MASP1: variants seen among roughly 807,000 people sequenced by gnomAD.
MASP1 encodes the protein MBL associated serine protease 1.
MASP1 carries 59 observed loss-of-function variants against 77.1 expected under a neutral mutation model. The observed-to-expected ratio is 0.77, with a 90% CI of 0.62 to 0.95. MASP1 has a LOEUF of 0.95. Among genes scored for constraint, MASP1 ranks in the 40% least tolerant of loss-of-function variants. MASP1 has a pLI of 0.00. For missense variants in MASP1, 885 were observed against 912.9 expected (o/e 0.97, Z 0.39); for synonymous variants, 362 against 354.5 (o/e 1.02, Z -0.24).
chr3:187,243,960 T>TG (rs1482240843), intron 8 of MASP1: 4 of 352,958 alleles, frequency 1.1e-5, no homozygotes, highest in Non-Finnish European at 2.2e-5. Context: ...CTAGTTTTAT[T>TG]GTGCAATCCT....
intron 2 of MASP1, among the ~76,000 whole-genome samples, chr3:187,279,076 A>G (rs1460057388): frequency 1.3e-5 from 2 of 152,220 alleles, no homozygotes; most frequent in African/African-American, 2.4e-5. Flanking sequence ...ACAAGCTGCT[A>G]TGAATTCTTT....
Position 187,220,920 on chromosome 3 carries a change from C to T in MASP1, c.1909+115G>A, listed in dbSNP as rs879159552. 4.6e-5 allele frequency: 36 copies of T among 781,412 alleles called. 1 individual carries two copies. The South Asian group carries it at 5.1e-4, about 11-fold the overall frequency. The allele number at this position is 781,412 out of a possible 1,614,324, so 48.4% of individuals were successfully genotyped here. ...TCCTCCCACGGCCTTCCTCCAGTCC[C>T]CCGCGCCCCCACACTGCCAGCCCAC... On this transcript the variant is annotated intron_variant, in intron 15 of 15. Transcript: ENST00000337774.
intron 2 of MASP1, among the ~76,000 whole-genome samples, chr3:187,265,590 T>C (rs1291918302): frequency 2.6e-5 from 4 of 152,170 alleles, no homozygotes; most frequent in African/African-American, 7.2e-5. Context: ...CAGCTCAGAA[T>C]AGAGTCCTGG....
intron 1 of MASP1, among the ~76,000 whole-genome samples, chr3:187,289,232 T>G (rs1335937285): frequency 6.6e-6 from 1 of 152,228 alleles, no homozygotes; most frequent in African/African-American, 2.4e-5. Context: ...TATCTATGAT[T>G]GCGGCATGAA....
At chr3:187,289,635 G>A (rs2108618126) in intron 1 of MASP1, among the ~76,000 whole-genome samples, 1 of 152,290 alleles carries the variant, frequency 6.6e-6, no homozygotes, top group African/African-American at 2.4e-5. Flanking sequence ...CTGGGGTGAG[G>A]CCTGAGCACT....
At chr3:187,278,358 C>A (rs1319034065) in intron 2 of MASP1, among the ~76,000 whole-genome samples, 2 of 151,990 alleles carry the variant, frequency 1.3e-5, no homozygotes, top group African/African-American at 4.8e-5. Context: ...ACGTTGTATT[C>A]ATTAGGAACT....
chr3:187,225,104 T>C (rs896331074), intron 13 of MASP1, among the ~76,000 whole-genome samples: 1 of 152,224 alleles, frequency 6.6e-6, no homozygotes, highest in Non-Finnish European at 1.5e-5. Flanking sequence ...TAGTTTTTGT[T>C]TTTCTATCTG....
chr3:187,257,529 C>A (rs187804888), intron 4 of MASP1, among the ~76,000 whole-genome samples: 3 of 152,252 alleles, frequency 2.0e-5, no homozygotes. Context: ...GGACGACAGG[C>A]ACGTGCTATA....
In MASP1 at chr3:187,235,619, G is replaced by A; in HGVS notation, c.*65C>T. The A allele has an allele frequency of 1.2e-6, 2 of 1,606,462 alleles. No individual in the cohort carries two copies. The highest frequency in any genetic ancestry group is 8.5e-7 in the Non-Finnish European group (1 of 1,179,800). On this transcript the variant is annotated 3_prime_UTR_variant, in exon 11 of 11. Coordinates refer to ENST00000296280, the MANE Select transcript of MASP1 (RefSeq NM_139125.4). The stretch of plus-strand genomic sequence containing the variant: ...CATATGGTCTGATAAGTAATGTGGA[G>A]TGTGCTGTCGGAAGTGCGGTGTAGC...
intron 2 of MASP1, among the ~76,000 whole-genome samples, chr3:187,284,794 G>C (rs748650507): frequency 6.6e-6 from 1 of 152,164 alleles, no homozygotes; most frequent in African/African-American, 2.4e-5. Flanking sequence ...CTTTACCTGT[G>C]AAATGGGGTC....
chr3:187,267,859 T>A (rs1279706947), intron 2 of MASP1, among the ~76,000 whole-genome samples: 1 of 152,230 alleles, frequency 6.6e-6, no homozygotes, highest in African/African-American at 2.4e-5. Context: ...TTTTCTCTAA[T>A]CCTTTAAATC....
At chr3:187,232,681 G>A (rs1712843008), downstream of MASP1, among the ~76,000 whole-genome samples, 1 of 152,118 alleles carries the variant, frequency 6.6e-6, no homozygotes, top group Non-Finnish European at 1.5e-5. Flanking sequence ...GTCACAAAGT[G>A]CTCTCTATGT....
intron 10 of MASP1, 146 bp downstream of exon 10, chr3:187,241,335 C>T: frequency 1.4e-6 from 1 of 712,722 alleles, no homozygotes; most frequent in East Asian, 2.6e-5. Context: ...TCTTCTCTGA[C>T]CTTTAACCTT....
intron 2 of MASP1, among the ~76,000 whole-genome samples, chr3:187,267,607 G>C (rs970467692): frequency 1.7e-4 from 26 of 152,160 alleles, no homozygotes; most frequent in Non-Finnish European, 2.6e-4. Context: ...CTCTGCACCC[G>C]GCTCTTTATA....
At position 187,235,175 on chromosome 3, in the gene MASP1, G is replaced by C; in HGVS notation, c.*509C>G. On this transcript the variant is annotated 3_prime_UTR_variant, in exon 11 of 11. Transcript: ENST00000296280. The stretch of plus-strand genomic sequence containing the variant: ...GGCTATGAGCCATCTCCCAAAACCT[G>C]AATGCTCTTCTCCTAGAGGAAGGAT... 1 of 1,287,826 alleles carries C rather than the reference G, an allele frequency of 7.8e-7. No individual in the cohort carries two copies. The highest frequency in any genetic ancestry group is 1.0e-6 in the Non-Finnish European group (1 of 989,094). The allele number at this position is 1,287,826 out of a possible 1,614,324, so 79.8% of individuals were successfully genotyped here.
intron 2 of MASP1, among the ~76,000 whole-genome samples, chr3:187,280,491 T>G (rs969150240): frequency 4.6e-5 from 7 of 152,218 alleles, no homozygotes; most frequent in African/African-American, 7.2e-5. Flanking sequence ...TTTCTAACTA[T>G]CTAGACTCTC....
intron 9 of MASP1, 146 bp downstream of exon 9, chr3:187,243,336 TGA>T (rs1713810950): frequency 3.7e-6 from 3 of 805,928 alleles, no homozygotes; most frequent in Non-Finnish European, 6.5e-6. Context: ...AGTGAGAACC[TGA>T]GATGTGTGAG....
intron 2 of MASP1, among the ~76,000 whole-genome samples, chr3:187,281,524 A>C (rs1047004848): frequency 5.9e-5 from 9 of 152,220 alleles, no homozygotes; most frequent in African/African-American, 2.2e-4. Flanking sequence ...TTCTTGGTAA[A>C]GAACAGTGTT....
At chr3:187,244,848 T>C (rs1713950640) in intron 8 of MASP1, 1 of 152,228 alleles carries the variant, frequency 6.6e-6, no homozygotes, top group Non-Finnish European at 1.5e-5. Flanking sequence ...TTTTACCTGG[T>C]CATTTTGGGA....
Sources: gnomAD v4.1 joint callset for allele counts (sites outside exome capture counted in the v4.1 genomes callset) on GRCh38, gnomAD v4.1.1 for gene constraint, MANE v1.5 for transcripts, NCBI Gene and HGNC (gene_info 2026-07-23, HGNC 2026-07-21) for gene names.